UXS1: variants seen among roughly 807,000 people sequenced by gnomAD.
UXS1 encodes the protein UDP-glucuronic acid decarboxylase 1.
In UXS1, 33 loss-of-function variants were observed where a neutral mutation model predicts 62.6. The observed-to-expected ratio is 0.53, with a 90% CI of 0.40 to 0.70. UXS1 has a LOEUF of 0.70. Ranked by LOEUF, UXS1 falls within the 30% of genes least tolerant of loss-of-function variation. UXS1 has a pLI of 0.00. For missense variants in UXS1, 434 were observed against 556.3 expected (o/e 0.78, Z 2.21); for synonymous variants, 213 against 206.8 (o/e 1.03, Z -0.26).
chr2:106,150,168 T>C (rs1227012233), intron 5 of UXS1, among the ~76,000 whole-genome samples: 2 of 152,198 alleles, frequency 1.3e-5, no homozygotes, highest in African/African-American at 4.8e-5. Flanking sequence ...TTCTTTTAAC[T>C]ACATAGAGTA....
intron 1 of UXS1, among the ~76,000 whole-genome samples, chr2:106,186,687 A>G (rs1426529628): frequency 2.6e-5 from 4 of 152,166 alleles, no homozygotes; most frequent in African/African-American, 9.7e-5. Flanking sequence ...CTGTGGTGGC[A>G]CACACCTGTA....
intron 5 of UXS1, among the ~76,000 whole-genome samples, chr2:106,153,733 G>A (rs1682214135): frequency 6.6e-6 from 1 of 152,146 alleles, no homozygotes; most frequent in Non-Finnish European, 1.5e-5. Flanking sequence ...TGAAGTCCCA[G>A]GTGTTGGATA....
chr2:106,166,335 A>AAT, intron 1 of UXS1: 1 of 403,684 alleles, frequency 2.5e-6, no homozygotes, highest in Non-Finnish European at 4.4e-6. Context: ...AGTTGCCCTG[A>AAT]ATATATGCTC....
At chr2:106,144,880 A>C (rs896846799) in intron 6 of UXS1, among the ~76,000 whole-genome samples, 1 of 152,160 alleles carries the variant, frequency 6.6e-6, no homozygotes, top group Non-Finnish European at 1.5e-5. Context: ...GGATGCCAAC[A>C]TATGAATTTG....
At chr2:106,193,044 G>A (rs1009664411) in intron 1 of UXS1, among the ~76,000 whole-genome samples, 1 of 151,962 alleles carries the variant, frequency 6.6e-6, no homozygotes, top group African/African-American at 2.4e-5. Flanking sequence ...CCCATCCGAC[G>A]CCTGAAACCT....
intron 1 of UXS1, among the ~76,000 whole-genome samples, chr2:106,180,280 G>A (rs561446853): frequency 3.3e-5 from 5 of 152,318 alleles, no homozygotes; most frequent in South Asian, 2.1e-4. Context: ...GGAAGGGAGC[G>A]ATGCTTTCCA....
chr2:106,154,318 G>GT (rs1421997311), intron 5 of UXS1, among the ~76,000 whole-genome samples: 2 of 152,200 alleles, frequency 1.3e-5, no homozygotes, highest in African/African-American at 2.4e-5. Context: ...GAAAACAGAT[G>GT]TACTAGGTTG....
intron 5 of UXS1, among the ~76,000 whole-genome samples, chr2:106,153,979 G>C (rs983865000): frequency 7.2e-5 from 11 of 152,172 alleles, no homozygotes; most frequent in African/African-American, 1.9e-4. Flanking sequence ...ATTGGAACTA[G>C]GCTAAAGAAT....
intron 5 of UXS1, among the ~76,000 whole-genome samples, chr2:106,146,772 C>CA (rs55896853): frequency 0.15 from 6,620 of 44,858 alleles, 1,083 homozygotes; most frequent in Non-Finnish European, 0.18. Flanking sequence ...GACTCCATCT[C>CA]AAAAAAAAAA....
At chr2:106,157,634 G>T (rs932738610) in intron 5 of UXS1, among the ~76,000 whole-genome samples, 6 of 152,180 alleles carry the variant, frequency 3.9e-5, no homozygotes, top group African/African-American at 1.4e-4. Flanking sequence ...CCCATCAATT[G>T]AGAAACAGGG....
chr2:106,171,243 G>T (rs1447196609), intron 1 of UXS1, among the ~76,000 whole-genome samples: 2 of 152,152 alleles, frequency 1.3e-5, no homozygotes, highest in Non-Finnish European at 2.9e-5. Flanking sequence ...TAAAGGATAT[G>T]ATTAAAATGA....
At chr2:106,172,076 C>A (rs959044832) in intron 1 of UXS1, among the ~76,000 whole-genome samples, 9 of 152,222 alleles carry the variant, frequency 5.9e-5, no homozygotes, top group African/African-American at 2.2e-4. Flanking sequence ...TCAGCGCTTG[C>A]GGATGCACAA....
chr2:106,153,588 G>A (rs571326424), intron 5 of UXS1, among the ~76,000 whole-genome samples: 1 of 152,220 alleles, frequency 6.6e-6, no homozygotes, highest in East Asian at 1.9e-4. Context: ...TGGGATGAGG[G>A]CACAGTATCC....
chr2:106,188,951 T>C (rs1684750910), intron 1 of UXS1, among the ~76,000 whole-genome samples: 1 of 152,174 alleles, frequency 6.6e-6, no homozygotes, highest in Non-Finnish European at 1.5e-5. Context: ...AGAACTCTTA[T>C]ACATGAAAAA....
chr2:106,174,918 C>T (rs1683786618), intron 1 of UXS1, among the ~76,000 whole-genome samples: 1 of 152,206 alleles, frequency 6.6e-6, no homozygotes, highest in Admixed American at 6.5e-5. Flanking sequence ...CATGACCTGT[C>T]AAGGGCTCCA....
At position 106,094,147 on chromosome 2, in the gene UXS1, T is replaced by C; in HGVS notation, c.1157A>G (p.Glu386Gly). Residue 386 changes from glutamate (E) to glycine (G), a missense_variant, in exon 15 of 15, where the codon GAG becomes GGG. Physicochemically the swap from Glu to Gly is moderately conservative, Grantham distance 98. This residue lies in a region of UXS1 where 209 missense variants were observed against 233.3 expected (regional missense o/e 0.90). Transcript: ENST00000283148. ...MLGWEPVVPLEEGLNKAIHYF... is the reference protein window; with the variant it reads ...MLGWEPVVPLGEGLNKAIHYF... ...GTGAATTGCTTTGTTTAAACCTTCC[T>C]CCAGCGGGACCTGTTTAAAGGGAAA... 6.2e-7 allele frequency: 1 copy of C among 1,610,116 alleles called. No individual in the cohort carries two copies. The highest frequency in any genetic ancestry group is 8.5e-7 in the Non-Finnish European group (1 of 1,179,342).
intron 1 of UXS1, among the ~76,000 whole-genome samples, chr2:106,177,705 C>G (rs1370112779): frequency 6.6e-6 from 1 of 152,208 alleles, no homozygotes; most frequent in Non-Finnish European, 1.5e-5. Flanking sequence ...GAATTGGGCC[C>G]TCACCAGATA....
intron 1 of UXS1, among the ~76,000 whole-genome samples, chr2:106,184,908 G>A (rs1007189770): frequency 3.3e-5 from 5 of 152,120 alleles, no homozygotes; most frequent in African/African-American, 1.2e-4. Context: ...CAGGCCACAC[G>A]GGCCAACCCC....
At chr2:106,120,033 C>A (rs1463447313) in intron 9 of UXS1, among the ~76,000 whole-genome samples, 1 of 152,088 alleles carries the variant, frequency 6.6e-6, no homozygotes, top group Non-Finnish European at 1.5e-5. Flanking sequence ...TGCTCCTTTG[C>A]GCAGAGAGGA....
Sources: allele counts gnomAD v4.1 joint callset (sites outside exome capture counted in the v4.1 genomes callset), GRCh38; gene constraint gnomAD v4.1.1; regional missense constraint gnomAD v4.1.1; transcripts MANE v1.5; gene names NCBI Gene and HGNC (gene_info 2026-07-23, HGNC 2026-07-21).